The following APOD variants were observed in gnomAD, a reference collection of about 807,000 sequenced individuals.
APOD encodes apo-D.
APOD carries 22 observed loss-of-function variants against 20.4 expected under a neutral mutation model. The ratio of observed to expected loss-of-function variants is 1.08; its 90% confidence interval spans 0.77 to 1.54. The LOEUF (loss-of-function observed/expected upper bound fraction) is 1.54, where lower values mean the gene tolerates loss of function less well. Ranked by LOEUF, APOD falls within the 40% of genes most tolerant of loss-of-function variation. The pLI is 0.00. For synonymous variants in APOD, 97 were observed against 92.4 expected (o/e 1.05, Z -0.29); for missense variants, 223 against 229.6 (o/e 0.97, Z 0.19).
chr3:195,573,736 C>T (rs1380796688), intron 3 of APOD, 114 bp downstream of exon 3: 2 of 1,340,266 alleles, frequency 1.5e-6, no homozygotes, highest in African/African-American at 1.5e-5. Flanking sequence ...CTGCTAGGAG[C>T]AGGCAGTCCC....
At chr3:195,581,575 C>T (rs566900900) in intron 1 of APOD, among the ~76,000 whole-genome samples, 144 of 152,286 alleles carry the variant, frequency 9.5e-4, no homozygotes, top group African/African-American at 3.2e-3. Flanking sequence ...AAGCTGGGGC[C>T]TGGAAGGGGC....
intron 2 of APOD, chr3:195,577,186 C>CAAAA (rs71637174): frequency 1.1e-5 from 3 of 285,404 alleles, no homozygotes; most frequent in Non-Finnish European, 2.0e-5. Flanking sequence ...GACTCCGTCT[C>CAAAA]AAAAAAAAAA....
rs73890884 is a variant in APOD, at chr3:195,572,321, A to C, written c.246-956T>G. 6.9e-3 allele frequency among the ~76,000 whole-genome samples: 1,056 copies of C among 152,316 alleles called. 16 individuals are homozygous for C. The highest frequency in any genetic ancestry group is 0.025 in the African/African-American group (1,021 of 41,562). On this transcript the variant is annotated intron_variant, in intron 3 of 4. Transcript: ENST00000343267. ...GCCAAGTAAAAGGAGGCAGTGAAGA[A>C]ACATTTACTTTATCTCAGTGATTCT...
intron 4 of APOD, among the ~76,000 whole-genome samples, chr3:195,570,081 A>G (rs1459700514): frequency 6.6e-6 from 1 of 151,780 alleles, no homozygotes; most frequent in Admixed American, 6.6e-5. Context: ...AGTTCCCTTC[A>G]CTTGGAAATC....
At position 195,568,837 on chromosome 3, in the gene APOD, G is replaced by GGGGGGGGGGGGGA. The variant is rs1553889310; in HGVS notation, c.*62_*63insTCCCCCCCCCCCC. The GGGGGGGGGGGGGA allele has an allele frequency of 1.0e-6, 1 of 958,522 alleles. No individual in the cohort carries two copies. Among genetic ancestry groups the GGGGGGGGGGGGGA allele is most frequent in the African/African-American group, 1.9e-5 (1 of 51,596 alleles). The allele number at this position is 958,522 out of a possible 1,614,324, so 59.4% of individuals were successfully genotyped here. ...GTTGATTGGTTTGTCTTTATGGGGG[G>GGGGGGGGGGGGGA]GGGGTAGGGGAAAGCGAAGCAGAAG... On this transcript the variant is annotated 3_prime_UTR_variant, in exon 5 of 5. Transcript: ENST00000343267.
intron 4 of APOD, among the ~76,000 whole-genome samples, chr3:195,569,816 T>TTTTTTTTGG (rs1720128945): frequency 7.2e-6 from 1 of 139,656 alleles, no homozygotes; most frequent in Non-Finnish European, 1.5e-5. Flanking sequence ...TTTTTTTTTT[T>TTTTTTTTGG]GAGATGGAGT....
intron 2 of APOD, among the ~76,000 whole-genome samples, chr3:195,574,183 G>A (rs1475229018): frequency 6.6e-6 from 1 of 152,134 alleles, no homozygotes; most frequent in African/African-American, 2.4e-5. Flanking sequence ...TGAGTAAAGG[G>A]CTCTTCTCAG....
intron 1 of APOD, among the ~76,000 whole-genome samples, chr3:195,580,128 C>G (rs1334581771): frequency 6.6e-6 from 1 of 152,138 alleles, no homozygotes; most frequent in African/African-American, 2.4e-5. Context: ...CTGCCCCATA[C>G]TAAGTATAAC....
chr3:195,580,212 G>A (rs903482161), intron 1 of APOD, among the ~76,000 whole-genome samples: 1 of 152,140 alleles, frequency 6.6e-6, no homozygotes, highest in Admixed American at 6.5e-5. Context: ...ATGAATTTTT[G>A]TGAGAATTAA....
chr3:195,569,405 C>T (rs1241130298), intron 4 of APOD, among the ~76,000 whole-genome samples: 1 of 152,040 alleles, frequency 6.6e-6, no homozygotes, highest in Non-Finnish European at 1.5e-5. Flanking sequence ...AGAGAGACAG[C>T]GTTATAGTCA....
chr3:195,570,924 C>T (rs1720147909), intron 4 of APOD: 5 of 265,158 alleles, frequency 1.9e-5, no homozygotes, highest in African/African-American at 8.6e-5. Flanking sequence ...GCTAATGTTT[C>T]GGGCCCCAGT....
rs190533166 is a variant in APOD, at chr3:195,583,523, G to A, written c.-35+355C>T. ...CCAGATTATTTTACTGCGATGCACC[G>A]TTGGACAGCTTGCTGAGAATTCACC... On this transcript the variant is annotated intron_variant, in intron 1 of 4. Transcript: ENST00000343267. Among the ~76,000 whole-genome samples the A allele has an allele frequency of 3.5e-3, 529 of 152,238 alleles. 6 individuals carry two copies. The highest frequency in any genetic ancestry group is 2.3e-3 in the Non-Finnish European group (156 of 68,040).
At position 195,568,834 on chromosome 3, in the gene APOD, G is replaced by C. The variant is rs4651; in HGVS notation, c.*66C>G. Reference sequence around the variant, plus strand: ...GTGGTTGATTGGTTTGTCTTTATGGGGGGGGGGTAGGGGAAAGCGAAGCAG... The same window carrying C: ...GTGGTTGATTGGTTTGTCTTTATGGCGGGGGGGTAGGGGAAAGCGAAGCAG... On this transcript the variant is annotated 3_prime_UTR_variant, in exon 5 of 5. Transcript: ENST00000343267. 1.5e-3 allele frequency: 1,494 copies of C among 1,013,672 alleles called. 59 individuals are homozygous for C. Among genetic ancestry groups the C allele is most frequent in the Admixed American group, 5.8e-3 (278 of 48,300 alleles). The allele number at this position is 1,013,672 out of a possible 1,614,324, so 62.8% of individuals were successfully genotyped here. A position where few individuals can be genotyped will look rare whatever the true frequency, so the allele number is the denominator to read the frequency against.
chr3:195,573,850 C>A lies in APOD; in HGVS notation c.245G>T (p.Arg82Ile), dbSNP rs758651118. 1.2e-6 allele frequency: 2 copies of A among 1,613,988 alleles called. No individual in the cohort carries two copies. Among genetic ancestry groups the A allele is most frequent in the Non-Finnish European group, 1.7e-6 (2 of 1,179,888 alleles). ...GCCCCGGACGCCCACAGCCACTCAC[C>A]TCAACTCCTGGTTTAACACTTTGAT... is the stretch of plus-strand genomic sequence containing the variant. ...GKIKVLNQEL[R>I]ADGTVNQIEG... Residue 82 changes from arginine to isoleucine, a missense_variant and splice_region_variant, in exon 3 of 5, where the codon AGA becomes ATA. Transcript: ENST00000343267.
chr3:195,569,792 T>TG, intron 4 of APOD, among the ~76,000 whole-genome samples: 2 of 123,434 alleles, frequency 1.6e-5, no homozygotes, highest in Non-Finnish European at 3.5e-5. Flanking sequence ...CTTCGTTTTT[T>TG]TTTTTTTTTT....
At chr3:195,578,185 G>A (rs1463996703) in intron 2 of APOD, among the ~76,000 whole-genome samples, 1 of 152,108 alleles carries the variant, frequency 6.6e-6, no homozygotes, top group Non-Finnish European at 1.5e-5. Flanking sequence ...AAAAGCGAAA[G>A]TATAACTCAG....
At chr3:195,576,190 T>C (rs145846483) in intron 2 of APOD, among the ~76,000 whole-genome samples, 300 of 152,350 alleles carry the variant, frequency 2.0e-3, no homozygotes, top group African/African-American at 7.0e-3. Context: ...AAGCTCCATT[T>C]TCTATGGTGC....
chr3:195,568,872 G>T lies in APOD; in HGVS notation c.*28C>A. On this transcript the variant is annotated 3_prime_UTR_variant, in exon 5 of 5. Coordinates refer to ENST00000343267, the MANE Select transcript of APOD (RefSeq NM_001647.4). The stretch of plus-strand genomic sequence containing the variant: ...GAAAGCGAAGCAGAAGTAACATGGA[G>T]TGGGTGCAGCCTCCCTGTAGAACCT... 1 of 1,522,776 alleles carries T rather than the reference G, an allele frequency of 6.6e-7. No homozygotes were observed. The highest frequency in any genetic ancestry group is 9.1e-7 in the Non-Finnish European group (1 of 1,098,274). 94.3% of individuals were successfully genotyped at this position (1,522,776 alleles called of 1,614,324 possible). A position where few individuals can be genotyped will look rare whatever the true frequency, so the allele number is the denominator to read the frequency against.
chr3:195,574,032 C>A, intron 2 of APOD, 61 bp from the exon 3 acceptor site: 1 of 1,596,480 alleles, frequency 6.3e-7, no homozygotes. Flanking sequence ...AACTTCTTCC[C>A]CATTGTCGTG....
Sources: gnomAD v4.1 joint callset for allele counts (sites outside exome capture counted in the v4.1 genomes callset) on GRCh38, gnomAD v4.1.1 for gene constraint, MANE v1.5 for transcripts, NCBI Gene and HGNC (gene_info 2026-07-23, HGNC 2026-07-21) for gene names.